CACNA2D3: variants seen among roughly 807,000 people sequenced by gnomAD.
CACNA2D3 encodes voltage-dependent calcium channel subunit alpha-2/delta-3.
A neutral mutation model predicts 160.6 loss-of-function variants in CACNA2D3; 60 were observed. The ratio of observed to expected loss-of-function variants is 0.37; its 90% confidence interval spans 0.30 to 0.46. The LOEUF (loss-of-function observed/expected upper bound fraction) is 0.46, where lower values mean the gene tolerates loss of function less well. Among genes scored for constraint, CACNA2D3 ranks in the 20% least tolerant of loss-of-function variants. CACNA2D3 has a pLI of 1.00. For synonymous variants in CACNA2D3, 558 were observed against 492.9 expected (o/e 1.13, Z -1.75); for missense variants, 1,205 against 1,365.0 (o/e 0.88, Z 1.85).
At chr3:54,714,927 A>T (rs1307828333) in intron 11 of CACNA2D3, among the ~76,000 whole-genome samples, 6 of 152,230 alleles carry the variant, frequency 3.9e-5, no homozygotes, top group African/African-American at 1.4e-4. Flanking sequence ...AACACAGTAC[A>T]CTTCTGTGAT....
intron 29 of CACNA2D3, among the ~76,000 whole-genome samples, chr3:54,977,131 A>G (rs1320389613): frequency 6.6e-6 from 1 of 152,204 alleles, no homozygotes. Context: ...AAATAGCACA[A>G]TATGAAATCC....
chr3:55,045,734 G>A (rs1270486176), intron 35 of CACNA2D3, among the ~76,000 whole-genome samples: 1 of 152,192 alleles, frequency 6.6e-6, no homozygotes, highest in South Asian at 2.1e-4. Flanking sequence ...AGAATCTGTA[G>A]TAATGTCGTT....
intron 11 of CACNA2D3, among the ~76,000 whole-genome samples, chr3:54,702,827 G>A (rs1357360202): frequency 4.6e-5 from 7 of 152,136 alleles, no homozygotes; most frequent in African/African-American, 1.7e-4. Context: ...TGGAATCAAT[G>A]TAGATGCCTG....
chr3:54,453,469 C>T (rs1700344361), intron 4 of CACNA2D3, among the ~76,000 whole-genome samples: 1 of 151,700 alleles, frequency 6.6e-6, no homozygotes, highest in Non-Finnish European at 1.5e-5. Context: ...CGACCTGAAA[C>T]ACCATCCCTC....
chr3:54,341,441 C>T (rs542232250), intron 3 of CACNA2D3, among the ~76,000 whole-genome samples: 1 of 152,230 alleles, frequency 6.6e-6, no homozygotes, highest in Admixed American at 6.5e-5. Flanking sequence ...ACTATGTGAC[C>T]CGGAGGTTTG....
chr3:54,494,840 G>A (rs1195035802), intron 4 of CACNA2D3, among the ~76,000 whole-genome samples: 1 of 152,156 alleles, frequency 6.6e-6, no homozygotes, highest in Non-Finnish European at 1.5e-5. Flanking sequence ...GAGAGGGAGA[G>A]AGAGAGAGCA....
In CACNA2D3 at chr3:54,875,961, C is replaced by G. The variant is rs566842627; in HGVS notation, c.1711-3057C>G. On this transcript the variant is annotated intron_variant, in intron 18 of 37. Coordinates refer to ENST00000474759, the MANE Select transcript of CACNA2D3 (RefSeq NM_018398.3). ...TCTGATATGGAAAAATCAAGGTATG[C>G]CACTGATGTTTTAATTTGCCTTTCT... is the stretch of plus-strand genomic sequence containing the variant. Among the ~76,000 whole-genome samples the G allele has an allele frequency of 2.3e-3, 344 of 152,266 alleles. 1 individual carries two copies. The highest frequency in any genetic ancestry group is 7.1e-3 in the African/African-American group (296 of 41,550).
At chr3:54,426,225 A>G (rs1699910432) in intron 4 of CACNA2D3, among the ~76,000 whole-genome samples, 1 of 152,158 alleles carries the variant, frequency 6.6e-6, no homozygotes. Context: ...GGCACAGGAT[A>G]TTTGCAAAGT....
intron 13 of CACNA2D3, among the ~76,000 whole-genome samples, chr3:54,800,825 C>T (rs1702968240): frequency 6.6e-6 from 1 of 152,162 alleles, no homozygotes; most frequent in Admixed American, 6.5e-5. Flanking sequence ...GCTAACTAAT[C>T]TGGTGTGGTG....
intron 35 of CACNA2D3, among the ~76,000 whole-genome samples, chr3:55,029,587 G>C (rs914721127): frequency 5.9e-5 from 9 of 151,982 alleles, no homozygotes; most frequent in African/African-American, 1.7e-4. Flanking sequence ...TTTTTGCTCT[G>C]ATGAGACTGT....
intron 4 of CACNA2D3, among the ~76,000 whole-genome samples, chr3:54,468,244 T>C (rs188778669): frequency 1.3e-5 from 2 of 152,144 alleles, no homozygotes; most frequent in Non-Finnish European, 2.9e-5. Context: ...AGTCATCTCA[T>C]TGGGACTGGT....
In CACNA2D3 at chr3:54,764,349, A is replaced by T; in HGVS notation, c.1378A>T (p.Thr460Ser). The T allele has an allele frequency of 6.2e-7, 1 of 1,613,806 alleles. No individual in the cohort carries two copies. The highest frequency in any genetic ancestry group is 8.5e-7 in the Non-Finnish European group (1 of 1,179,748). Residue 460 changes from threonine to serine, a missense_variant and splice_region_variant, in exon 13 of 38, where the codon ACT becomes TCT. By Grantham distance (58) the Thr-to-Ser change is moderately conservative. Transcript: ENST00000474759. The stretch of plus-strand genomic sequence containing the variant: ...GTGGACCGAAGCTTACATTGACAGC[A>T]CTGTGAGTCCACGGGGCCCTGGGAA... ...VVWTEAYIDS[T>S]LPQAQKLTDD...
intron 4 of CACNA2D3, among the ~76,000 whole-genome samples, chr3:54,421,498 C>G (rs1047601443): frequency 2.6e-5 from 4 of 152,092 alleles, no homozygotes; most frequent in Admixed American, 6.5e-5. Context: ...GTGACACCTG[C>G]TCCTGAGCCA....
intron 3 of CACNA2D3, among the ~76,000 whole-genome samples, chr3:54,338,224 T>A (rs968365409): frequency 9.2e-5 from 14 of 152,232 alleles, no homozygotes; most frequent in Admixed American, 6.5e-5. Flanking sequence ...GGAACAATGT[T>A]TTTCTCCTAT....
intron 9 of CACNA2D3, among the ~76,000 whole-genome samples, chr3:54,610,925 T>G (rs1008110767): frequency 2.6e-5 from 4 of 152,110 alleles, no homozygotes; most frequent in African/African-American, 9.7e-5. Context: ...CACCACACCC[T>G]GCCTGGACAT....
intron 11 of CACNA2D3, among the ~76,000 whole-genome samples, chr3:54,694,844 G>GA (rs1173920883): frequency 2.6e-5 from 4 of 152,088 alleles, no homozygotes; most frequent in African/African-American, 2.4e-5. Flanking sequence ...AATATAAGGA[G>GA]AAAAATAAGG....
chr3:54,384,866 T>C (rs1699162964), intron 3 of CACNA2D3, among the ~76,000 whole-genome samples: 1 of 152,042 alleles, frequency 6.6e-6, no homozygotes, highest in Admixed American at 6.6e-5. Context: ...ACTACAGGCA[T>C]GTGCCACCAC....
intron 5 of CACNA2D3, among the ~76,000 whole-genome samples, chr3:54,508,150 A>G (rs1161794619): frequency 6.6e-6 from 1 of 152,214 alleles, no homozygotes; most frequent in Non-Finnish European, 1.5e-5. Flanking sequence ...CAGTGGGAAC[A>G]ACTGCTCCTT....
chr3:55,071,248 G>GCAAA (rs1459616911), intron 35 of CACNA2D3, among the ~76,000 whole-genome samples: 2 of 151,696 alleles, frequency 1.3e-5, no homozygotes, highest in African/African-American at 4.8e-5. Flanking sequence ...AGTGTTTGTG[G>GCAAA]CAAACAAACA....
Sources: gnomAD v4.1 joint callset for allele counts (sites outside exome capture counted in the v4.1 genomes callset) on GRCh38, gnomAD v4.1.1 for gene constraint, MANE v1.5 for transcripts, NCBI Gene and HGNC (gene_info 2026-07-23, HGNC 2026-07-21) for gene names.